The following NT5C2 variants were observed in gnomAD, a reference collection of about 807,000 sequenced individuals.
NT5C2 encodes the protein cytosolic purine 5'-nucleotidase.
A neutral mutation model predicts 76.1 loss-of-function variants in NT5C2; 58 were observed. The ratio of observed to expected loss-of-function variants is 0.76; its 90% CI spans 0.62 to 0.95. NT5C2 has a LOEUF of 0.95. Among genes scored for constraint, NT5C2 ranks in the 40% least tolerant of loss-of-function variants. NT5C2 has a pLI of 0.00. For synonymous variants in NT5C2, 229 were observed against 237.4 expected (o/e 0.96, Z 0.32); for missense variants, 478 against 690.3 (o/e 0.69, Z 3.45).
At chr10:103,121,914 C>T (rs1216647977) in intron 4 of NT5C2, among the ~76,000 whole-genome samples, 2 of 152,190 alleles carry the variant, frequency 1.3e-5, no homozygotes, top group Non-Finnish European at 2.9e-5. Context: ...TGGCTCAAGC[C>T]TGTAATCCCA....
At chr10:103,153,781 T>C in intron 3 of NT5C2, 1 of 977,340 alleles carries the variant, frequency 1.0e-6, no homozygotes, top group Non-Finnish European at 1.2e-6. Flanking sequence ...AATAATTTTA[T>C]GTTTTAATTA....
At chr10:103,124,026 T>C (rs1168792302) in intron 4 of NT5C2, among the ~76,000 whole-genome samples, 1 of 152,180 alleles carries the variant, frequency 6.6e-6, no homozygotes, top group African/African-American at 2.4e-5. Flanking sequence ...TTCCTTGGGG[T>C]TAAGACTTCT....
chr10:103,140,346 G>A (rs1000586260), intron 3 of NT5C2, among the ~76,000 whole-genome samples: 5 of 151,906 alleles, frequency 3.3e-5, no homozygotes, highest in Admixed American at 6.6e-5. Flanking sequence ...TGTCTTCTAC[G>A]TTCATCCATG....
chr10:103,093,065 G>A, intron 15 of NT5C2, 74 bp downstream of exon 15: 2 of 1,299,022 alleles, frequency 1.5e-6, no homozygotes, highest in Non-Finnish European at 2.1e-6. Context: ...ACAAAGTAAT[G>A]GTTTATCAAA....
At chr10:103,136,990 C>T (rs1195870466) in intron 4 of NT5C2, among the ~76,000 whole-genome samples, 20 of 152,088 alleles carry the variant, frequency 1.3e-4, no homozygotes, top group Admixed American at 1.3e-3. Flanking sequence ...TATATAATCA[C>T]CTCAGTTTTC....
At chr10:103,094,698 A>G (rs1590686385) in intron 12 of NT5C2, among the ~76,000 whole-genome samples, 1 of 152,178 alleles carries the variant, frequency 6.6e-6, no homozygotes, top group African/African-American at 2.4e-5. Context: ...CCTGGCCAAC[A>G]TGGTGAAAAC....
At chr10:103,191,407 G>C (rs1002502799) in intron 1 of NT5C2, among the ~76,000 whole-genome samples, 49 of 137,528 alleles carry the variant, frequency 3.6e-4, no homozygotes, top group African/African-American at 1.3e-3. Flanking sequence ...AAGAGAGAGA[G>C]AGGAAATACT....
intron 9 of NT5C2, 147 bp from the exon 10 acceptor site, chr10:103,099,131 G>T: frequency 1.5e-6 from 1 of 670,266 alleles, no homozygotes; most frequent in Non-Finnish European, 2.6e-6. Flanking sequence ...AGAGTGCAGT[G>T]GTACAATCTC....
intron 10 of NT5C2, chr10:103,098,159 T>C (rs2068663307): frequency 2.2e-6 from 1 of 462,404 alleles, no homozygotes; most frequent in African/African-American, 2.1e-5. Flanking sequence ...AAAACAGTTC[T>C]AGACTTATAG....
chr10:103,123,084 C>T (rs574452505), intron 4 of NT5C2, among the ~76,000 whole-genome samples: 3 of 152,174 alleles, frequency 2.0e-5, no homozygotes, highest in Non-Finnish European at 4.4e-5. Flanking sequence ...CTTTCCCCTA[C>T]ACTACATATA....
Position 103,089,828 on chromosome 10 carries a change from T to C in NT5C2, c.1530A>G (p.Thr510=), listed in dbSNP as rs773489032. The C allele has an allele frequency of 5.0e-6, 8 of 1,614,126 alleles. No individual in the cohort carries two copies. The highest frequency in any genetic ancestry group is 3.3e-5 in the Admixed American group (2 of 60,024). The part of the protein sequence containing the change: ...MESPLATRNR[T]SVDFKDTDYK... ...AGTCAGTGTCTTTGAAATCCACTGA[T>C]GTGCGGTTCCGGGTGGCAAGAGGAG... Residue 510 remains threonine, a synonymous_variant, in exon 19 of 19, where the codon ACA becomes ACG. Transcript: ENST00000404739.
At chr10:103,182,456 G>A (rs2091240362) in intron 1 of NT5C2, among the ~76,000 whole-genome samples, 1 of 151,890 alleles carries the variant, frequency 6.6e-6, no homozygotes, top group Non-Finnish European at 1.5e-5. Context: ...GGCCAACATG[G>A]TGAAACCCTG....
intron 3 of NT5C2, among the ~76,000 whole-genome samples, chr10:103,161,213 T>C (rs768042614): frequency 1.3e-5 from 2 of 152,214 alleles, no homozygotes; most frequent in Non-Finnish European, 2.9e-5. Flanking sequence ...GGTCTCCCTC[T>C]GTCATCCAGG....
intron 1 of NT5C2, among the ~76,000 whole-genome samples, chr10:103,182,714 C>G (rs949699665): frequency 2.6e-5 from 4 of 152,018 alleles, no homozygotes; most frequent in African/African-American, 9.7e-5. Flanking sequence ...TGCCCTAAAA[C>G]TTACATGGAA....
chr10:103,093,881 C>T (rs998758263), intron 14 of NT5C2, 91 bp downstream of exon 14: 1 of 940,224 alleles, frequency 1.1e-6, no homozygotes, highest in Non-Finnish European at 1.7e-6. Flanking sequence ...GACTACTAAA[C>T]AGTATATGTG....
At chr10:103,154,148 G>A (rs142965132) in intron 3 of NT5C2, among the ~76,000 whole-genome samples, 1 of 152,280 alleles carries the variant, frequency 6.6e-6, no homozygotes, top group East Asian at 1.9e-4. Context: ...TGCAACAGGG[G>A]AAGAAATAAA....
chr10:103,098,624 T>C (rs1791426567), intron 10 of NT5C2: 1 of 280,646 alleles, frequency 3.6e-6, no homozygotes, highest in Admixed American at 5.1e-5. Context: ...ATGGTGATGA[T>C]GTGCATACAG....
At chr10:103,116,963 T>G (rs574467341) in intron 4 of NT5C2, among the ~76,000 whole-genome samples, 1 of 152,146 alleles carries the variant, frequency 6.6e-6, no homozygotes, top group East Asian at 1.9e-4. Flanking sequence ...TTTGGTAAGA[T>G]AGTACTGGTA....
chr10:103,167,503 A>G (rs765188711), intron 3 of NT5C2, among the ~76,000 whole-genome samples: 3 of 152,210 alleles, frequency 2.0e-5, no homozygotes, highest in Non-Finnish European at 4.4e-5. Flanking sequence ...AAGCTGAATG[A>G]CATTCATATG....
Sources: allele counts gnomAD v4.1 joint callset (sites outside exome capture counted in the v4.1 genomes callset), GRCh38; gene constraint gnomAD v4.1.1; transcripts MANE v1.5; gene names NCBI Gene and HGNC (gene_info 2026-07-23, HGNC 2026-07-21).